TNK2: variants seen among roughly 807,000 people sequenced by gnomAD.
TNK2 encodes activated CDC42 kinase 1.
In TNK2, 83 loss-of-function variants were observed where a neutral mutation model predicts 101.8. That is an observed-to-expected ratio of 0.82 (90% CI 0.68 to 0.98). The LOEUF is 0.98. Ranked by LOEUF, TNK2 falls within the 50% of genes least tolerant of loss-of-function variation. The probability of loss-of-function intolerance (pLI) is 0.00; values close to 1 mark genes in which losing one functional copy is unlikely to be tolerated. For synonymous variants in TNK2, 804 were observed against 633.0 expected (o/e 1.27, Z -4.06); for missense variants, 1,665 against 1,483.2 (o/e 1.12, Z -2.01).
chr3:195,887,847 TGTGC>T lies in TNK2; in HGVS notation c.163+575_163+578del, dbSNP rs759004758. On this transcript the variant is annotated intron_variant, in intron 2 of 15. Coordinates refer to ENST00000672887, the MANE Select transcript of TNK2 (RefSeq NM_001382273.1). Reference sequence around the variant, plus strand: ...GTGTGCGCACACACGTGTGTGTGTGTGTGCGTGTCTGTGTGCGCAGGCGTGTGAG... The same window carrying T: ...GTGTGCGCACACACGTGTGTGTGTGTGTGTCTGTGTGCGCAGGCGTGTGAG... Among the ~76,000 whole-genome samples, 78 of 94,018 alleles carry T rather than the reference TGTGC, an allele frequency of 8.3e-4. 1 individual carries two copies. The highest frequency in any genetic ancestry group is 2.6e-3 in the African/African-American group (73 of 28,564). 61.7% of individuals were successfully genotyped at this position (94,018 alleles called of 152,430 possible). A position where few individuals can be genotyped will look rare whatever the true frequency, so the allele number is the denominator to read the frequency against.
intron 1 of TNK2, among the ~76,000 whole-genome samples, chr3:195,907,451 G>A (rs1473051683): frequency 6.6e-6 from 1 of 152,208 alleles, no homozygotes; most frequent in Non-Finnish European, 1.5e-5. Context: ...CCTCGGGCTG[G>A]GGCAGAGGAG....
intron 9 of TNK2, among the ~76,000 whole-genome samples, chr3:195,875,892 C>G (rs983533407): frequency 1.3e-5 from 2 of 152,196 alleles, no homozygotes; most frequent in Non-Finnish European, 2.9e-5. Context: ...TAAGGCTGCC[C>G]CAGCTCTGGA....
chr3:195,885,356 C>A lies in TNK2; in HGVS notation c.235-323G>T. 7.3e-7 allele frequency: 1 copy of A among 1,371,382 alleles called. No homozygotes were observed. Among genetic ancestry groups the A allele is most frequent in the Non-Finnish European group, 9.5e-7 (1 of 1,047,782 alleles). 85.0% of individuals were successfully genotyped at this position (1,371,382 alleles called of 1,614,324 possible). A position where few individuals can be genotyped will look rare whatever the true frequency, so the allele number is the denominator to read the frequency against. On this transcript the variant is annotated intron_variant, in intron 3 of 15. Transcript: ENST00000672887. The surrounding 1 kb of genome is among the most constrained non-coding windows in gnomAD (Gnocchi z 4.7). ...CCCAGCCAAGGTCGGAGTCTCCTCC[C>A]AGTCCTGCCCCACCCTCCCTTCCTG...
At chr3:195,881,537 C>G (rs1752895636) in intron 6 of TNK2, among the ~76,000 whole-genome samples, 1 of 101,478 alleles carries the variant, frequency 9.9e-6, no homozygotes, top group Admixed American at 9.3e-5. Flanking sequence ...CTGTAACACC[C>G]CCCCCAGCAA....
intron 1 of TNK2, among the ~76,000 whole-genome samples, chr3:195,890,461 T>G (rs530930326): frequency 2.0e-5 from 3 of 149,810 alleles, no homozygotes; most frequent in South Asian, 2.1e-4. Flanking sequence ...TTGGTTTTTT[T>G]TTTTTTTTTT....
chr3:195,882,561 G>C lies in TNK2; in HGVS notation c.610-233C>G. 1.3e-6 allele frequency: 2 copies of C among 1,517,428 alleles called. No individual in the cohort carries two copies. Among genetic ancestry groups the C allele is most frequent in the South Asian group, 2.4e-5 (2 of 83,012 alleles). The allele number at this position is 1,517,428 out of a possible 1,614,324, so 94.0% of individuals were successfully genotyped here. A position where few individuals can be genotyped will look rare whatever the true frequency, so the allele number is the denominator to read the frequency against. On this transcript the variant is annotated intron_variant, in intron 5 of 15. Coordinates refer to ENST00000672887, the MANE Select transcript of TNK2 (RefSeq NM_001382273.1). This position sits in a 1 kb window ranked among gnomAD's most constrained non-coding sequence, Gnocchi z 4.2. Reference sequence around the variant, plus strand: ...AAGGAGCCCAAAGAGGCAGTGGCTAGAAATTCCAAAACTCAGCTGGACGTG... The same window carrying C: ...AAGGAGCCCAAAGAGGCAGTGGCTACAAATTCCAAAACTCAGCTGGACGTG...
At chr3:195,890,565 C>T (rs975037604) in intron 1 of TNK2, among the ~76,000 whole-genome samples, 1 of 151,120 alleles carries the variant, frequency 6.6e-6, no homozygotes, top group African/African-American at 2.4e-5. Context: ...ATTCTCCCGC[C>T]TCAGCCTCCC....
chr3:195,887,955 C>CGT (rs58113480), intron 2 of TNK2, among the ~76,000 whole-genome samples: 3,943 of 148,148 alleles, frequency 0.027, 110 homozygotes, highest in Non-Finnish European at 0.033. Context: ...TGTGTGCCTG[C>CGT]GTGTGTGTGT....
At position 195,867,343 on chromosome 3, in the gene TNK2, G is replaced by A. The variant is rs535928917; in HGVS notation, c.2937+18C>T. ...TGGGCCCTGCCCCGCTTCGCCCACA[G>A]CCAGGCTGGGTGCTCACCATCTGGA... On this transcript the variant is annotated intron_variant, in intron 13 of 15. Transcript: ENST00000672887. 11 of 1,608,062 alleles carry A rather than the reference G, an allele frequency of 6.8e-6. No individual in the cohort carries two copies. Among genetic ancestry groups the A allele is most frequent in the African/African-American group, 5.3e-5 (4 of 74,976 alleles).
intron 1 of TNK2, chr3:195,896,044 C>T (rs758239070): frequency 8.9e-6 from 4 of 450,620 alleles, no homozygotes; most frequent in Non-Finnish European, 4.5e-6. Flanking sequence ...GCGCTGGGCA[C>T]GCACTGACCT....
Position 195,864,627 on chromosome 3 carries a change from A to G in TNK2, c.3162-440T>C, listed in dbSNP as rs797008396. On this transcript the variant is annotated intron_variant, in intron 15 of 15. Coordinates refer to ENST00000672887, the MANE Select transcript of TNK2 (RefSeq NM_001382273.1). ...CAGACAGGTGACACGGAGTGCCTGCATCCCAGATGCAAATCAGTAAGAACC... is the reference window on the plus strand; with the variant it reads ...CAGACAGGTGACACGGAGTGCCTGCGTCCCAGATGCAAATCAGTAAGAACC... 3.5e-4 allele frequency among the ~76,000 whole-genome samples: 45 copies of G among 130,002 alleles called. No individual in the cohort carries two copies. The East Asian group carries it at 4.1e-3, about 12-fold the overall frequency. The allele number at this position is 130,002 out of a possible 152,430, so 85.3% of individuals were successfully genotyped here.
At chr3:195,876,495 G>T (rs1204308031) in intron 9 of TNK2, 6 of 456,682 alleles carry the variant, frequency 1.3e-5, no homozygotes, top group African/African-American at 1.0e-4. Flanking sequence ...AACAAACATG[G>T]AGATATTCAG....
chr3:195,876,321 C>G (rs765444432), intron 9 of TNK2: 5 of 432,676 alleles, frequency 1.2e-5, no homozygotes, highest in South Asian at 8.2e-5. Context: ...TCCCAGACTC[C>G]GCACCAGGAA....
chr3:195,884,526 C>T (rs2149585198), intron 4 of TNK2: 1 of 359,026 alleles, frequency 2.8e-6, no homozygotes, highest in Non-Finnish European at 5.0e-6. Context: ...GCCTGTAATC[C>T]CAGCTACTCA....
rs1374965043 is a variant in TNK2, at chr3:195,882,037, C to G, written c.887+14G>C. 5 of 1,600,906 alleles carry G rather than the reference C, an allele frequency of 3.1e-6. No homozygotes were observed. In the African/African-American group the frequency reaches 5.4e-5, roughly 17 times the overall value. On this transcript the variant is annotated intron_variant, in intron 6 of 15. Transcript: ENST00000672887. The surrounding 1 kb of genome is among the most constrained non-coding windows in gnomAD (Gnocchi z 4.2). ...CTGCAGGGACTCTGTGAGCTGGCAG[C>G]ACCTGCCCCTCACCAGGCGAAGGGC...
intron 1 of TNK2, chr3:195,892,784 C>T (rs1475501566): frequency 1.7e-6 from 2 of 1,199,184 alleles, no homozygotes; most frequent in Admixed American, 4.4e-5. Flanking sequence ...CCCCACCCAA[C>T]TGCCCGCCCG....
intron 15 of TNK2, 21 bp downstream of exon 15, chr3:195,866,868 C>A (rs372297621): frequency 1.2e-6 from 2 of 1,607,124 alleles, no homozygotes; most frequent in South Asian, 1.1e-5. Flanking sequence ...CGGAGCGGGG[C>A]AGACTGTGGG....
rs1489546964 is a variant in TNK2 at position 195,887,086 on chromosome 3, C to T, written c.164-39G>A. ...GGGGAACCGCGTGCTGTGAAGGCCG[C>T]CGTAGCCCGAGAGAGGCTGCTGCCT... is the stretch of plus-strand genomic sequence containing the variant. On this transcript the variant is annotated intron_variant, in intron 2 of 15. Transcript: ENST00000672887. 13 of 1,607,810 alleles carry T rather than the reference C, an allele frequency of 8.1e-6. No individual in the cohort carries two copies. The East Asian group carries it at 2.0e-4, about 25-fold the overall frequency.
chr3:195,892,663 G>C (rs1050384353), intron 1 of TNK2: 3 of 1,381,938 alleles, frequency 2.2e-6, no homozygotes, highest in Non-Finnish European at 2.8e-6. Context: ...ACAGCTGGCC[G>C]GTCTGGCAGG....
Sources: gnomAD v4.1 joint callset for allele counts (sites outside exome capture counted in the v4.1 genomes callset) on GRCh38, gnomAD v4.1.1 for gene constraint, Gnocchi (gnomAD v3.1) non-coding constraint, MANE v1.5 for transcripts, NCBI Gene and HGNC (gene_info 2026-07-23, HGNC 2026-07-21) for gene names.